The following SULT1C3 variants were observed in gnomAD, a reference collection of about 807,000 sequenced individuals.
SULT1C3 encodes the protein sulfotransferase family 1C member 3, also known as sulfotransferase 1C3.
Under a neutral mutation model 28.4 loss-of-function variants are expected in SULT1C3, and 31 were observed. The ratio of observed to expected loss-of-function variants is 1.09; its 90% CI spans 0.82 to 1.47. The LOEUF is 1.47. Ranked by LOEUF, SULT1C3 falls within the 40% of genes most tolerant of loss-of-function variation. The pLI, the probability that SULT1C3 is intolerant of heterozygous loss-of-function variation, is 0.00. For missense variants in SULT1C3, 307 were observed against 272.5 expected (o/e 1.13, Z -0.89); for synonymous variants, 106 against 92.2 (o/e 1.15, Z -0.86).
At chr2:108,264,519 C>T (rs1187056144), downstream of SULT1C3, among the ~76,000 whole-genome samples, 1 of 152,196 alleles carries the variant, frequency 6.6e-6, no homozygotes, top group Non-Finnish European at 1.5e-5. Flanking sequence ...CCCACCAAAT[C>T]TCCTGGCACT....
chr2:108,240,669 T>C (rs990942858), intron 1 of SULT1C3, among the ~76,000 whole-genome samples: 2 of 152,206 alleles, frequency 1.3e-5, no homozygotes, highest in Non-Finnish European at 2.9e-5. Context: ...TTCCAAGCTG[T>C]AGGAGATACC....
At chr2:108,253,483 A>T (rs76202513) in intron 4 of SULT1C3, 41 bp downstream of exon 4, 34 of 1,045,266 alleles carry the variant, frequency 3.3e-5, no homozygotes, top group Non-Finnish European at 4.5e-5. Context: ...TAGCTTGGTG[A>T]TATAAACTAT....
intron 1 of SULT1C3, among the ~76,000 whole-genome samples, chr2:108,243,492 G>A (rs1479396616): frequency 6.6e-6 from 1 of 152,048 alleles, no homozygotes; most frequent in Non-Finnish European, 1.5e-5. Context: ...TTAGCCGGGA[G>A]TGGTGGTGGG....
downstream of SULT1C3, among the ~76,000 whole-genome samples, chr2:108,262,857 T>A (rs1468549133): frequency 1.3e-5 from 2 of 152,120 alleles, no homozygotes; most frequent in Non-Finnish European, 2.9e-5. Context: ...GAAGAGAAGT[T>A]TTATTTCTGT....
At chr2:108,255,894 G>A (rs1310684221) in intron 5 of SULT1C3, among the ~76,000 whole-genome samples, 196 bp downstream of exon 5, 1 of 151,892 alleles carries the variant, frequency 6.6e-6, no homozygotes, top group African/African-American at 2.4e-5. Context: ...GGTCAACTGG[G>A]GTCATAAGTT....
At chr2:108,261,892 G>A (rs116158803), downstream of SULT1C3, among the ~76,000 whole-genome samples, 173 of 152,118 alleles carry the variant, frequency 1.1e-3, no homozygotes, top group African/African-American at 4.1e-3. Context: ...CAAACTCAAA[G>A]GTAAAAAATA....
intron 1 of SULT1C3, among the ~76,000 whole-genome samples, chr2:108,241,605 G>T (rs1675461344): frequency 6.6e-6 from 1 of 152,196 alleles, no homozygotes; most frequent in South Asian, 2.1e-4. Context: ...GTCTGTGAAT[G>T]ACAAAATTTC....
At chr2:108,249,372 A>C (rs181342938) in intron 2 of SULT1C3, among the ~76,000 whole-genome samples, 21 of 152,204 alleles carry the variant, frequency 1.4e-4, no homozygotes. Context: ...TGTTGCCCGC[A>C]CAGCTGCACT....
chr2:108,264,571 G>A (rs1340710352), downstream of SULT1C3, among the ~76,000 whole-genome samples: 2 of 152,140 alleles, frequency 1.3e-5, no homozygotes, highest in Non-Finnish European at 2.9e-5. Flanking sequence ...AGCCAGCCTT[G>A]TGATTGTTTG....
chr2:108,241,382 A>T (rs1675458212), intron 1 of SULT1C3, among the ~76,000 whole-genome samples: 1 of 152,278 alleles, frequency 6.6e-6, no homozygotes, highest in Admixed American at 6.5e-5. Context: ...AGAAAAATAA[A>T]CATGCTCCAA....
At chr2:108,253,318 CAA>C in intron 3 of SULT1C3, 25 bp from the exon 4 acceptor site, 1 of 1,434,782 alleles carries the variant, frequency 7.0e-7, no homozygotes, top group Non-Finnish European at 9.3e-7. Context: ...CAAGAATAAA[CAA>C]AGAATATAAA....
chr2:108,254,637 A>T (rs989218404), intron 4 of SULT1C3, among the ~76,000 whole-genome samples: 1 of 151,642 alleles, frequency 6.6e-6, no homozygotes, highest in African/African-American at 2.4e-5. Flanking sequence ...AATGATACTG[A>T]ATTTCCAATC....
At chr2:108,240,762 A>G (rs924263385) in intron 1 of SULT1C3, among the ~76,000 whole-genome samples, 15 of 152,354 alleles carry the variant, frequency 9.8e-5, no homozygotes, top group African/African-American at 3.4e-4. Context: ...GAATTTAATG[A>G]CAAATATATG....
intron 1 of SULT1C3, among the ~76,000 whole-genome samples, chr2:108,240,672 G>A (rs1166502789): frequency 6.6e-6 from 1 of 152,130 alleles, no homozygotes. Flanking sequence ...CAAGCTGTAG[G>A]AGATACCACT....
downstream of SULT1C3, among the ~76,000 whole-genome samples, chr2:108,262,728 T>C (rs548209424): frequency 1.6e-4 from 25 of 152,318 alleles, no homozygotes; most frequent in African/African-American, 5.5e-4. Flanking sequence ...AGGTGTAAGA[T>C]ATAGTTTGCC....
intron 2 of SULT1C3, among the ~76,000 whole-genome samples, chr2:108,247,777 C>A (rs1465593701): frequency 6.6e-6 from 1 of 152,152 alleles, no homozygotes; most frequent in Non-Finnish European, 1.5e-5. Context: ...TCCTCTAAAG[C>A]TCTTGGAGGA....
chr2:108,240,908 G>C (rs1428267305), intron 1 of SULT1C3, among the ~76,000 whole-genome samples: 1 of 152,222 alleles, frequency 6.6e-6, no homozygotes, highest in Non-Finnish European at 1.5e-5. Context: ...TGTGCAGCAA[G>C]AATGGTTACA....
intron 1 of SULT1C3, among the ~76,000 whole-genome samples, chr2:108,241,878 G>C (rs1356690308): frequency 6.7e-6 from 1 of 148,584 alleles, no homozygotes; most frequent in Admixed American, 6.7e-5. Flanking sequence ...AGTGAGTAGA[G>C]ATGGCGCCAC....
chr2:108,252,260 T>C, intron 2 of SULT1C3, 105 bp from the exon 3 acceptor site: 1 of 1,123,666 alleles, frequency 8.9e-7, no homozygotes, highest in Admixed American at 2.7e-5. Context: ...AACATTGATC[T>C]AATTTTAAAG....
Sources: gnomAD v4.1 joint callset for allele counts (sites outside exome capture counted in the v4.1 genomes callset) on GRCh38, gnomAD v4.1.1 for gene constraint, MANE v1.5 for transcripts, NCBI Gene and HGNC (gene_info 2026-07-23, HGNC 2026-07-21) for gene names.